The following PTPN5 variants were observed in gnomAD, a reference collection of about 807,000 sequenced individuals.
PTPN5 encodes the protein protein tyrosine phosphatase non-receptor type 5.
In PTPN5, 29 loss-of-function variants were observed where a neutral mutation model predicts 73.9. The observed-to-expected ratio is 0.39, with a 90% CI of 0.29 to 0.54. The LOEUF (loss-of-function observed/expected upper bound fraction) is 0.54. Ranked by LOEUF, PTPN5 falls within the 20% of genes least tolerant of loss-of-function variation. The pLI is 0.65. For synonymous variants in PTPN5, 267 were observed against 304.7 expected (o/e 0.88, Z 1.29); for missense variants, 652 against 751.4 (o/e 0.87, Z 1.55).
intron 12 of PTPN5, 46 bp downstream of exon 12, chr11:18,732,546 C>T: frequency 6.9e-7 from 1 of 1,449,306 alleles, no homozygotes. Context: ...CCAGTTAAGC[C>T]CCTACACTCA....
rs762808175 is a variant in PTPN5 at position 18,733,365 on chromosome 11, C to A, written c.1088G>T (p.Gly363Val). 1.4e-5 allele frequency: 22 copies of A among 1,613,632 alleles called. No homozygotes were observed. The highest frequency in any genetic ancestry group is 1.8e-5 in the Non-Finnish European group (21 of 1,179,612). ...YINANYIRGY[G>V]GEEKVYIATQ... Reference sequence around the variant, plus strand: ...GGCGATGTACACCTTCTCCTCCCCACCATAGCCCTGCGGCCAGCCAAGTCC... The same window carrying A: ...GGCGATGTACACCTTCTCCTCCCCAACATAGCCCTGCGGCCAGCCAAGTCC... Residue 363 changes from glycine to valine, a missense_variant, in exon 11 of 15, where the codon GGT becomes GTT. Transcript: ENST00000358540. This position sits in a 1 kb window ranked among gnomAD's most constrained non-coding sequence, Gnocchi z 4.3.
intron 3 of PTPN5, among the ~76,000 whole-genome samples, chr11:18,761,271 T>A (rs1321164799): frequency 7.2e-4 from 110 of 152,330 alleles, no homozygotes; most frequent in African/African-American, 2.5e-3. Context: ...CTGCTTTATC[T>A]ACCTCCTTCT....
Position 18,765,823 on chromosome 11 carries a change from G to A in PTPN5, c.81C>T (p.Cys27=). 1 of 1,577,190 alleles carries A rather than the reference G, an allele frequency of 6.3e-7. No individual in the cohort carries two copies. The highest frequency in any genetic ancestry group is 8.6e-7 in the Non-Finnish European group (1 of 1,160,520). ...AAGACTCACCCGGTAGCCTCTCACT[G>A]CAGCACATGTCCAGGGCCCCTCCCT... ...DSEGGALDMC[C]SERLPGLPQP... The change falls in exon 3 of 15, where the codon TGC becomes TGT. Residue 27 remains cysteine, a synonymous_variant. Transcript: ENST00000358540.
At chr11:18,765,932 G>T in intron 2 of PTPN5, 49 bp from the exon 3 acceptor site, 1 of 1,360,640 alleles carries the variant, frequency 7.3e-7, no homozygotes, top group South Asian at 1.2e-5. Flanking sequence ...CCAGGATCAA[G>T]ACAAAAACCC....
rs2134390652 is a variant in PTPN5 at position 18,791,537 on chromosome 11, GCTC to G, written c.-129_-127del. 6.5e-6 allele frequency: 1 copy of G among 153,434 alleles called. No homozygotes were observed. Among genetic ancestry groups the G allele is most frequent in the South Asian group, 2.1e-4 (1 of 4,848 alleles). 9.5% of individuals were successfully genotyped at this position (153,434 alleles called of 1,614,324 possible). A position where few individuals can be genotyped will look rare whatever the true frequency, so the allele number is the denominator to read the frequency against. ...GCGCCGCACTTACCGGCCAGAGCGG[GCTC>G]CGGGCGCCGGCGAGCAGGCGGGCAG... On this transcript the variant is annotated 5_prime_UTR_variant, in exon 1 of 15. Coordinates refer to ENST00000358540, the MANE Select transcript of PTPN5 (RefSeq NM_006906.2).
chr11:18,766,826 C>T (rs1850665750), intron 2 of PTPN5, among the ~76,000 whole-genome samples: 1 of 152,194 alleles, frequency 6.6e-6, no homozygotes, highest in Non-Finnish European at 1.5e-5. Context: ...GATGACTGAT[C>T]CAAGGCTGAA....
At chr11:18,749,394 G>C in intron 3 of PTPN5, 1 of 516,396 alleles carries the variant, frequency 1.9e-6, no homozygotes, top group East Asian at 5.5e-5. Context: ...GGGCTTTCCA[G>C]CATCAAGTGA....
intron 3 of PTPN5, among the ~76,000 whole-genome samples, chr11:18,761,081 C>G (rs544847434): frequency 6.6e-6 from 1 of 152,108 alleles, no homozygotes; most frequent in East Asian, 1.9e-4. Context: ...CATGCATGCA[C>G]GCAAGCAATG....
intron 4 of PTPN5, chr11:18,743,778 T>A (rs1849485175): frequency 1.7e-6 from 1 of 589,938 alleles, no homozygotes; most frequent in Non-Finnish European, 2.9e-6. Flanking sequence ...CCCTGTGTTC[T>A]GGATTCTTAG....
Position 18,737,889 on chromosome 11 carries a change from T to C in PTPN5, c.991A>G (p.Ile331Val), listed in dbSNP as rs1025283347. The change falls in exon 9 of 15, where the codon ATA becomes GTA. Residue 331 changes from isoleucine (I) to valine (V), a missense_variant. Physicochemically the swap from Ile to Val is conservative, Grantham distance 29. Around this residue, in one of 3 missense-constraint regions of PTPN5, gnomAD observed 529 missense variants for 573.9 expected, o/e 0.92. Transcript: ENST00000358540. ...GACAGTGAGTACTCACTGGGAAGTA[T>C]GGTTTTGTACCGGTTCTTCCGCACC... ...GLVRKNRYKTILPNPHSRVCL... is the reference protein window; with the variant it reads ...GLVRKNRYKTVLPNPHSRVCL... The C allele has an allele frequency of 3.1e-6, 5 of 1,613,786 alleles. No individual in the cohort carries two copies. The Admixed American group carries it at 5.0e-5, about 16-fold the overall frequency.
intron 1 of PTPN5, 131 bp from the exon 2 acceptor site, chr11:18,772,202 C>T: frequency 3.8e-6 from 2 of 526,636 alleles, no homozygotes; most frequent in Non-Finnish European, 6.5e-6. Flanking sequence ...TGGTGCCCTG[C>T]TTGCCTCTTG....
rs1192798756 is a variant in PTPN5 at position 18,749,847 on chromosome 11, C to T, written c.98-5648G>A. On this transcript the variant is annotated intron_variant, in intron 3 of 14. Transcript: ENST00000358540. ...GTGACTCATTCTTTGAGCTCCCAGG[C>T]TGCCAGCCCACCGGAACTGGAGTGG... Among the ~76,000 whole-genome samples, 6 of 152,330 alleles carry T rather than the reference C, an allele frequency of 3.9e-5. No homozygotes were observed. In the South Asian group the frequency reaches 1.2e-3, roughly 32 times the overall value.
intron 3 of PTPN5, among the ~76,000 whole-genome samples, chr11:18,760,227 C>T (rs1850328170): frequency 6.6e-6 from 1 of 152,168 alleles, no homozygotes; most frequent in South Asian, 2.1e-4. Context: ...TTCAACTGCC[C>T]TTGTTGGCTA....
intron 1 of PTPN5, among the ~76,000 whole-genome samples, chr11:18,772,775 T>C (rs1482077588): frequency 6.6e-6 from 1 of 152,188 alleles, no homozygotes; most frequent in Non-Finnish European, 1.5e-5. Context: ...AGGCTACGTG[T>C]GGGACCCTGG....
chr11:18,732,024 G>A (rs1848899817), intron 12 of PTPN5, among the ~76,000 whole-genome samples: 2 of 152,142 alleles, frequency 1.3e-5, no homozygotes, highest in African/African-American at 4.8e-5. Context: ...AGGGTGGGAG[G>A]ATACCTTCTC....
At chr11:18,731,583 T>C (rs544684239) in intron 12 of PTPN5, among the ~76,000 whole-genome samples, 2 of 152,334 alleles carry the variant, frequency 1.3e-5, no homozygotes, top group Admixed American at 6.5e-5. Context: ...AGGAAGCCAT[T>C]TTCTCAAGTC....
chr11:18,792,136 C>G (rs746095236), upstream of PTPN5: 1 of 152,348 alleles, frequency 6.6e-6, no homozygotes, highest in African/African-American at 2.4e-5. Flanking sequence ...TCGGGCCGCG[C>G]GGCTACGGCA....
At chr11:18,789,109 C>G (rs1171496399) in intron 1 of PTPN5, among the ~76,000 whole-genome samples, 1 of 152,090 alleles carries the variant, frequency 6.6e-6, no homozygotes, top group Non-Finnish European at 1.5e-5. Context: ...CCTTAAGAAT[C>G]CCATGTCCTT....
At chr11:18,747,465 T>C (rs1203916163) in intron 3 of PTPN5, among the ~76,000 whole-genome samples, 1 of 152,164 alleles carries the variant, frequency 6.6e-6, no homozygotes, top group Non-Finnish European at 1.5e-5. Context: ...TTAAGATATA[T>C]GGGTGTTCTG....
Sources: gnomAD v4.1 joint callset for allele counts (sites outside exome capture counted in the v4.1 genomes callset) on GRCh38, gnomAD v4.1.1 for gene constraint, gnomAD v4.1.1 regional missense constraint, Gnocchi (gnomAD v3.1) non-coding constraint, MANE v1.5 for transcripts, NCBI Gene and HGNC (gene_info 2026-07-23, HGNC 2026-07-21) for gene names.